Variants in TRMT11 observed in about 807,000 individuals in gnomAD.
The protein encoded by TRMT11 is tRNA methyltransferase 11.
A neutral mutation model predicts 62.8 loss-of-function variants in TRMT11; 53 were observed. That is an observed-to-expected ratio of 0.84 (90% CI 0.68 to 1.06). The LOEUF (loss-of-function observed/expected upper bound fraction) is 1.06, where lower values mean the gene tolerates loss of function less well. TRMT11 is among the 50% of genes least tolerant of loss of function. TRMT11 has a pLI of 0.00. For synonymous variants in TRMT11, 188 were observed against 190.3 expected (o/e 0.99, Z 0.10); for missense variants, 556 against 553.4 (o/e 1.00, Z -0.05).
chr6:126,265,592 GT>G, the TRMT11 span, among the ~76,000 whole-genome samples: 2 of 151,836 alleles, frequency 1.3e-5, no homozygotes, highest in African/African-American at 4.8e-5. Context: ...TTAATTTATA[GT>G]TTTTTTAAGT....
At chr6:126,123,026 G>T (rs1777667852) in intron 21 of TRMT11, among the ~76,000 whole-genome samples, 1 of 152,102 alleles carries the variant, frequency 6.6e-6, no homozygotes, top group Non-Finnish European at 1.5e-5. Flanking sequence ...AAACCAGTTG[G>T]ATTTAAAATC....
chr6:126,098,657 CG>C (rs1777364995), intron 17 of TRMT11, among the ~76,000 whole-genome samples: 1 of 152,096 alleles, frequency 6.6e-6, no homozygotes, highest in East Asian at 1.9e-4. Context: ...ATGAGATTGG[CG>C]GGGGATGAGG....
At chr6:126,209,959 A>G in the TRMT11 span, among the ~76,000 whole-genome samples, 17 of 152,248 alleles carry the variant, frequency 1.1e-4, no homozygotes, top group South Asian at 2.7e-3. Context: ...CTTTCTCTCT[A>G]AGATACCTCA....
chr6:126,252,711 A>G, the TRMT11 span, among the ~76,000 whole-genome samples: 2 of 152,198 alleles, frequency 1.3e-5, no homozygotes, highest in African/African-American at 2.4e-5. Flanking sequence ...GCAGGTAGAA[A>G]AAGTAATTTT....
At chr6:126,129,934 T>G (rs879745461) in intron 21 of TRMT11, among the ~76,000 whole-genome samples, 2 of 152,060 alleles carry the variant, frequency 1.3e-5, no homozygotes, top group Admixed American at 1.3e-4. Flanking sequence ...ATGTAGAGAC[T>G]TCGGTGTTTG....
rs573829758 is a variant in TRMT11, at chr6:126,166,488, C to G, written c.*1824-8337C>G. Among the ~76,000 whole-genome samples, 3 of 152,298 alleles carry G rather than the reference C, an allele frequency of 2.0e-5. No individual in the cohort carries two copies. In the East Asian group the frequency reaches 5.8e-4, roughly 30 times the overall value. On this transcript the variant is annotated intron_variant and NMD_transcript_variant, in intron 21 of 22. Transcript: ENST00000648977. ...GGCTGCAGAACAACAAAGATTGCTG[C>G]CTGTTCCTTCCTCTGGAAGCTTCGT... is the stretch of plus-strand genomic sequence containing the variant.
At chr6:126,223,667 A>G in the TRMT11 span, among the ~76,000 whole-genome samples, 8 of 152,144 alleles carry the variant, frequency 5.3e-5, no homozygotes, top group Non-Finnish European at 8.8e-5. Flanking sequence ...AGTATCTTGC[A>G]AGGGTTCTCT....
intron 1 of TRMT11, among the ~76,000 whole-genome samples, chr6:126,183,803 T>G (rs1778495432): frequency 6.6e-6 from 1 of 151,816 alleles, no homozygotes; most frequent in African/African-American, 2.4e-5. Flanking sequence ...TGCTTCATCT[T>G]TTTAAGGCAC....
intron 21 of TRMT11, among the ~76,000 whole-genome samples, chr6:126,130,091 A>C (rs1777763839): frequency 6.6e-6 from 1 of 152,116 alleles, no homozygotes; most frequent in Admixed American, 6.6e-5. Flanking sequence ...CATAGTTAAG[A>C]GGTCCATCAG....
chr6:126,263,632 TTGGCTGC>T, the TRMT11 span, among the ~76,000 whole-genome samples: 1 of 152,248 alleles, frequency 6.6e-6, no homozygotes, highest in Non-Finnish European at 1.5e-5. Context: ...GTTCAAGTGC[TTGGCTGC>T]TGATCCCAAA....
At chr6:126,205,677 C>G (rs566006470), downstream of TRMT11, among the ~76,000 whole-genome samples, 16 of 151,952 alleles carry the variant, frequency 1.1e-4, no homozygotes, top group South Asian at 1.7e-3. Flanking sequence ...ATGTTCTTTC[C>G]TTGGGTGTAA....
chr6:126,178,353 C>CCAGT (rs1477381110), intron 1 of TRMT11, among the ~76,000 whole-genome samples: 1 of 152,170 alleles, frequency 6.6e-6, no homozygotes, highest in Admixed American at 6.5e-5. Flanking sequence ...TAGCCCCAGA[C>CCAGT]ACTGAGGCTG....
At chr6:126,191,464 C>CT (rs77414207) in intron 1 of TRMT11, among the ~76,000 whole-genome samples, 2,588 of 102,296 alleles carry the variant, frequency 0.025, 43 homozygotes, top group African/African-American at 0.045. Flanking sequence ...TCCTACTTGT[C>CT]TTTTTTTTTT....
chr6:125,990,706 T>C (rs1371325255), intron 1 of TRMT11, among the ~76,000 whole-genome samples: 2 of 152,230 alleles, frequency 1.3e-5, no homozygotes, highest in Admixed American at 1.3e-4. Context: ...TGTCATTGGG[T>C]TAGATTTTTT....
chr6:126,135,502 G>C (rs1583885363), intron 21 of TRMT11, among the ~76,000 whole-genome samples: 1 of 151,394 alleles, frequency 6.6e-6, no homozygotes, highest in Non-Finnish European at 1.5e-5. Flanking sequence ...TCTAAATTTG[G>C]TCATCAAAGA....
At chr6:125,992,476 A>G (rs1395101838) in intron 1 of TRMT11, among the ~76,000 whole-genome samples, 2 of 152,200 alleles carry the variant, frequency 1.3e-5, no homozygotes, top group Non-Finnish European at 2.9e-5. Context: ...CTATAACTCT[A>G]TCAGTCTTGG....
chr6:125,994,709 A>G (rs1791194588), intron 2 of TRMT11, among the ~76,000 whole-genome samples: 1 of 152,198 alleles, frequency 6.6e-6, no homozygotes, highest in Non-Finnish European at 1.5e-5. Context: ...ATCAACCTAA[A>G]TGCCATCAGT....
chr6:126,093,618 TA>T (rs1445806787), intron 17 of TRMT11, among the ~76,000 whole-genome samples: 1,126 of 95,456 alleles, frequency 0.012, 153 homozygotes, highest in African/African-American at 0.07. Context: ...TATATATATA[TA>T]TATATATATA....
downstream of TRMT11, among the ~76,000 whole-genome samples, chr6:126,205,898 TACACACACACACAC>T (rs59880424): frequency 1.5e-4 from 21 of 142,960 alleles, no homozygotes; most frequent in Admixed American, 3.5e-4. Flanking sequence ...TGTGAGAGGG[TACACACACACACAC>T]ACACACACAC....
Sources: gnomAD v4.1 joint callset for allele counts (sites outside exome capture counted in the v4.1 genomes callset) on GRCh38, gnomAD v4.1.1 for gene constraint, MANE v1.5 for transcripts, NCBI Gene and HGNC (gene_info 2026-07-23, HGNC 2026-07-21) for gene names.